The following DLG2 variants were observed in gnomAD, a reference collection of about 807,000 sequenced individuals.
DLG2 encodes the protein disks large homolog 2.
Under a neutral mutation model 132.5 loss-of-function variants are expected in DLG2, and 45 were observed. That is an observed-to-expected ratio of 0.34 (90% CI 0.27 to 0.44). The LOEUF is 0.44. DLG2 is among the 20% of genes least tolerant of loss of function. The pLI, the probability that DLG2 is intolerant of heterozygous loss-of-function variation, is 1.00. For synonymous variants in DLG2, 424 were observed against 419.6 expected (o/e 1.01, Z -0.13); for missense variants, 1,045 against 1,196.9 (o/e 0.87, Z 1.87).
intron 3 of DLG2, among the ~76,000 whole-genome samples, chr11:85,581,474 T>A (rs1590985747): frequency 6.7e-6 from 1 of 150,268 alleles, no homozygotes. Flanking sequence ...AAAAATTAGC[T>A]GGGCGTGGTG....
intron 6 of DLG2, among the ~76,000 whole-genome samples, chr11:84,552,032 T>C (rs1411182693): frequency 6.6e-6 from 1 of 152,118 alleles, no homozygotes; most frequent in African/African-American, 2.4e-5. Flanking sequence ...ATGGTTTACA[T>C]TAGACTGAGA....
At chr11:84,002,091 T>G (rs562794127) in intron 11 of DLG2, among the ~76,000 whole-genome samples, 7 of 151,710 alleles carry the variant, frequency 4.6e-5, no homozygotes, top group Non-Finnish European at 1.0e-4. Context: ...ACAAAATAGG[T>G]TTAAAGAACA....
At chr11:84,370,526 G>T (rs2098701927) in intron 7 of DLG2, among the ~76,000 whole-genome samples, 1 of 152,178 alleles carries the variant, frequency 6.6e-6, no homozygotes, top group Non-Finnish European at 1.5e-5. Context: ...GGATTTTGGG[G>T]AGAGTTGACT....
intron 6 of DLG2, among the ~76,000 whole-genome samples, chr11:84,625,647 C>G (rs936405963): frequency 2.0e-5 from 3 of 152,138 alleles, no homozygotes; most frequent in Non-Finnish European, 4.4e-5. Flanking sequence ...CAAAGTTGGC[C>G]TGCATTACCC....
At chr11:85,311,969 C>T (rs2080342842) in intron 3 of DLG2, among the ~76,000 whole-genome samples, 1 of 152,020 alleles carries the variant, frequency 6.6e-6, no homozygotes, top group Non-Finnish European at 1.5e-5. Flanking sequence ...AATCAACACT[C>T]ACTAAACATA....
intron 6 of DLG2, among the ~76,000 whole-genome samples, chr11:84,831,302 T>C (rs562730770): frequency 1.3e-5 from 2 of 151,676 alleles, no homozygotes; most frequent in South Asian, 4.2e-4. Context: ...TTCTATGTCA[T>C]CTCTTACGAA....
At chr11:85,505,349 C>A (rs1319909602) in intron 3 of DLG2, among the ~76,000 whole-genome samples, 1 of 152,114 alleles carries the variant, frequency 6.6e-6, no homozygotes. Context: ...ATGATATTGG[C>A]TGTGGGTTTG....
At chr11:84,951,452 G>T (rs1397867945) in intron 6 of DLG2, among the ~76,000 whole-genome samples, 2 of 151,928 alleles carry the variant, frequency 1.3e-5, no homozygotes, top group Non-Finnish European at 2.9e-5. Context: ...TGTAATTAGG[G>T]TAGGACCTAA....
chr11:84,451,312 C>A (rs192904786), intron 7 of DLG2, among the ~76,000 whole-genome samples: 47 of 152,018 alleles, frequency 3.1e-4, no homozygotes, highest in African/African-American at 1.1e-3. Flanking sequence ...TCATGGTCCA[C>A]AATTTCCATT....
intron 3 of DLG2, among the ~76,000 whole-genome samples, chr11:85,393,977 G>C (rs1040596397): frequency 2.6e-5 from 4 of 151,972 alleles, no homozygotes; most frequent in African/African-American, 9.7e-5. Context: ...CAGGGGATGG[G>C]TGCACCAAAA....
intron 3 of DLG2, chr11:85,286,098 A>C (rs1196750088): frequency 2.2e-6 from 1 of 452,672 alleles, no homozygotes; most frequent in Non-Finnish European, 4.4e-6. Context: ...GTACTGACTT[A>C]AGTAACTTTG....
intron 7 of DLG2, among the ~76,000 whole-genome samples, chr11:84,302,284 C>T (rs903564846): frequency 6.6e-6 from 1 of 152,026 alleles, no homozygotes; most frequent in Admixed American, 6.6e-5. Flanking sequence ...CACCATGGCA[C>T]GCGTATACCT....
chr11:84,070,874 G>C (rs1178868796), intron 10 of DLG2, among the ~76,000 whole-genome samples: 1 of 152,018 alleles, frequency 6.6e-6, no homozygotes, highest in African/African-American at 2.4e-5. Context: ...TCTTTACTTG[G>C]AAGTTGACAG....
chr11:85,231,443 C>G (rs1246321718), intron 4 of DLG2, among the ~76,000 whole-genome samples: 4 of 151,862 alleles, frequency 2.6e-5, no homozygotes, highest in Non-Finnish European at 1.5e-5. Context: ...GATTTTCCAC[C>G]AACTATTCAA....
chr11:83,747,366 G>GTCTC (rs112374522), intron 18 of DLG2, among the ~76,000 whole-genome samples: 4 of 131,422 alleles, frequency 3.0e-5, no homozygotes, highest in Non-Finnish European at 4.8e-5. Context: ...CTTCCTTCCT[G>GTCTC]TCTCTCTCTC....
chr11:85,337,055 A>G (rs149029724), intron 3 of DLG2, among the ~76,000 whole-genome samples: 56 of 152,354 alleles, frequency 3.7e-4, no homozygotes, highest in African/African-American at 1.3e-3. Context: ...TGAGCTCTTC[A>G]TTGAATCAAC....
At position 83,562,196 on chromosome 11, in the gene DLG2, C is replaced by T. The variant is rs147883764; in HGVS notation, c.1941-20338G>A. 8.9e-3 allele frequency among the ~76,000 whole-genome samples: 1,357 copies of T among 152,050 alleles called. 9 individuals carry two copies. The highest frequency in any genetic ancestry group is 0.014 in the Non-Finnish European group (962 of 67,948). On this transcript the variant is annotated intron_variant, in intron 19 of 27. Coordinates refer to ENST00000376104, the MANE Select transcript of DLG2 (RefSeq NM_001142699.3). ...GCCACCGTGCCTGGCCTTAGTATTC[C>T]TATTCTGTAGATAATAAAACTGTGA...
chr11:84,882,475 A>T (rs894773776), intron 6 of DLG2, among the ~76,000 whole-genome samples: 1 of 152,082 alleles, frequency 6.6e-6, no homozygotes. Flanking sequence ...AAATAAGGTT[A>T]AGAGAACACT....
Position 85,494,568 on chromosome 11 carries a change from C to T in DLG2, c.40+104089G>A, listed in dbSNP as rs138657241. On this transcript the variant is annotated intron_variant, in intron 3 of 27. Transcript: ENST00000376104. ...TTAATCTTAAAAGTAAGACAGTCTCCTGGATTATGCTGCTGACATACATTT... is the reference window on the plus strand; with the variant it reads ...TTAATCTTAAAAGTAAGACAGTCTCTTGGATTATGCTGCTGACATACATTT... Among the ~76,000 whole-genome samples the T allele has an allele frequency of 2.8e-3, 421 of 151,724 alleles. 3 individuals are homozygous for T. Among genetic ancestry groups the T allele is most frequent in the African/African-American group, 1.0e-2 (411 of 41,210 alleles).
Sources: allele counts gnomAD v4.1 joint callset (sites outside exome capture counted in the v4.1 genomes callset), GRCh38; gene constraint gnomAD v4.1.1; transcripts MANE v1.5; gene names NCBI Gene and HGNC (gene_info 2026-07-23, HGNC 2026-07-21).